The following OTUB1 variants were observed in gnomAD, a reference collection of about 807,000 sequenced individuals.
The protein encoded by OTUB1 is ubiquitin thioesterase OTUB1.
Under a neutral mutation model 35.8 loss-of-function variants are expected in OTUB1, and 10 were observed. The ratio of observed to expected loss-of-function variants is 0.28; its 90% confidence interval spans 0.17 to 0.47. The LOEUF is 0.47. Among genes scored for constraint, OTUB1 ranks in the 20% least tolerant of loss-of-function variants. The pLI, the probability that OTUB1 is intolerant of heterozygous loss-of-function variation, is 0.99. For synonymous variants in OTUB1, 158 were observed against 143.8 expected (o/e 1.10, Z -0.71); for missense variants, 264 against 351.6 (o/e 0.75, Z 1.99).
chr11:63,986,717 C>T, intron 1 of OTUB1: 1 of 543,084 alleles, frequency 1.8e-6, no homozygotes, highest in Non-Finnish European at 3.2e-6. Flanking sequence ...GGAGCACGGG[C>T]GAGGCGGGCC....
At position 63,988,640 on chromosome 11, in the gene OTUB1, C is replaced by G; in HGVS notation, c.121-14C>G. ...TCTCCCTGCTAGGACATGACAGATC[C>G]CTGCCTCCTCCAGATTGCTGTGCAG... On this transcript the variant is annotated splice_polypyrimidine_tract_variant and intron_variant, in intron 2 of 6. Coordinates refer to ENST00000538426, the MANE Select transcript of OTUB1 (RefSeq NM_017670.3). The G allele has an allele frequency of 1.3e-6, 2 of 1,593,824 alleles. No homozygotes were observed. Among genetic ancestry groups the G allele is most frequent in the Non-Finnish European group, 1.7e-6 (2 of 1,161,882 alleles).
At chr11:63,996,751 A>G in intron 4 of OTUB1, 103 bp downstream of exon 4, 4 of 1,610,078 alleles carry the variant, frequency 2.5e-6, no homozygotes, top group African/African-American at 2.7e-5. Flanking sequence ...TTCCCGGGCG[A>G]TGGGCTGGAC....
chr11:63,992,643 C>T (rs1403464938), intron 3 of OTUB1, among the ~76,000 whole-genome samples: 2 of 152,280 alleles, frequency 1.3e-5, no homozygotes, highest in East Asian at 3.9e-4. Context: ...CTCCACCTCC[C>T]GGGTTCAAGC....
intron 3 of OTUB1, among the ~76,000 whole-genome samples, chr11:63,992,135 A>C (rs1203644176): frequency 1.3e-5 from 2 of 151,754 alleles, no homozygotes; most frequent in East Asian, 3.9e-4. Context: ...AATCTCTTGA[A>C]CCTGGGAAGT....
Position 63,998,083 on chromosome 11 carries a change from T to C in OTUB1, c.*537T>C. The stretch of plus-strand genomic sequence containing the variant: ...CTGGGTGGAGGGGCCTTTGTGAGGC[T>C]GGACCCGGCTCAGGGCAGGTGGAGG... On this transcript the variant is annotated 3_prime_UTR_variant, in exon 7 of 7. Coordinates refer to ENST00000538426, the MANE Select transcript of OTUB1 (RefSeq NM_017670.3). The C allele has an allele frequency of 5.2e-6, 2 of 388,058 alleles. No homozygotes were observed. Among genetic ancestry groups the C allele is most frequent in the Non-Finnish European group, 9.5e-6 (2 of 209,732 alleles). The allele number at this position is 388,058 out of a possible 1,614,324, so 24.0% of individuals were successfully genotyped here.
intron 4 of OTUB1, 102 bp downstream of exon 4, chr11:63,996,750 G>T (rs766972925): frequency 1.2e-6 from 2 of 1,609,792 alleles, no homozygotes; most frequent in Non-Finnish European, 8.5e-7. Context: ...CTTCCCGGGC[G>T]ATGGGCTGGA....
chr11:63,998,212 G>C lies in OTUB1; in HGVS notation c.*666G>C. On this transcript the variant is annotated 3_prime_UTR_variant, in exon 7 of 7. Coordinates refer to ENST00000538426, the MANE Select transcript of OTUB1 (RefSeq NM_017670.3). ...TCCTCAGGTCTAGGCAGGGCTGCCG[G>C]TTCTCCACCTCCCCATCCGCCCCAG... 1 of 181,686 alleles carries C rather than the reference G, an allele frequency of 5.5e-6. No individual in the cohort carries two copies. Among genetic ancestry groups the C allele is most frequent in the South Asian group, 1.2e-4 (1 of 8,286 alleles). The allele number at this position is 181,686 out of a possible 1,614,324, so 11.3% of individuals were successfully genotyped here. A position where few individuals can be genotyped will look rare whatever the true frequency, so the allele number is the denominator to read the frequency against.
In OTUB1 at chr11:63,997,140, G is replaced by A; in HGVS notation, c.514G>A (p.Val172Met). 6 of 1,614,236 alleles carry A rather than the reference G, an allele frequency of 3.7e-6. No individual in the cohort carries two copies. Among genetic ancestry groups the A allele is most frequent in the Non-Finnish European group, 5.1e-6 (6 of 1,180,036 alleles). Residue 172 changes from valine (V) to methionine (M), a missense_variant, in exon 6 of 7, where the codon GTG (valine) becomes ATG (methionine). Around this residue, in one of 2 missense-constraint regions of OTUB1, gnomAD observed 214 missense variants for 317.1 expected, o/e 0.67. Transcript: ENST00000538426. Reference sequence around the variant, plus strand: ...TGACCAGAGCACCTCCGACTACCTTGTGGTCTACCTGCGGCTGCTCACCTC... The same window carrying A: ...TGACCAGAGCACCTCCGACTACCTTATGGTCTACCTGCGGCTGCTCACCTC... ...FNDQSTSDYL[V>M]VYLRLLTSGY... is the part of the protein sequence containing the mutation.
intron 3 of OTUB1, among the ~76,000 whole-genome samples, chr11:63,993,307 G>A (rs1942688910): frequency 6.6e-6 from 1 of 152,150 alleles, no homozygotes; most frequent in African/African-American, 2.4e-5. Flanking sequence ...GGTGAGGCTG[G>A]TAGATAGGAG....
chr11:63,987,258 G>A (rs1942629959), intron 1 of OTUB1, among the ~76,000 whole-genome samples: 1 of 152,222 alleles, frequency 6.6e-6, no homozygotes, highest in Non-Finnish European at 1.5e-5. Context: ...AATTTGGGAT[G>A]GCGAGCCCCA....
chr11:63,988,202 G>A (rs1942638392), intron 1 of OTUB1, 135 bp from the exon 2 acceptor site: 2 of 654,420 alleles, frequency 3.1e-6, no homozygotes, highest in Admixed American at 2.7e-5. Context: ...TTGCATCTGG[G>A]ACATCTGTAA....
At chr11:63,995,794 A>G (rs1396217952) in intron 3 of OTUB1, among the ~76,000 whole-genome samples, 1 of 151,392 alleles carries the variant, frequency 6.6e-6, no homozygotes, top group Non-Finnish European at 1.5e-5. Flanking sequence ...TGGGGGTAGG[A>G]GCAAGATGGG....
At position 63,988,655 on chromosome 11, in the gene OTUB1, T is replaced by C; in HGVS notation, c.122T>C (p.Ile41Thr). Residue 41 changes from isoleucine to threonine, a missense_variant and splice_region_variant, in exon 3 of 7, where the codon ATT (isoleucine) becomes ACT (threonine). Ile to Thr is a moderately conservative substitution (Grantham distance 89, BLOSUM62 -1). Coordinates refer to ENST00000538426, the MANE Select transcript of OTUB1 (RefSeq NM_017670.3). ...ATGACAGATCCCTGCCTCCTCCAGA[T>C]TGCTGTGCAGAACCCTCTGGTGTCA... ...MAQQDRIQQE[I>T]AVQNPLVSER... is the part of the protein sequence containing the mutation. 6.2e-7 allele frequency: 1 copy of C among 1,609,250 alleles called. No homozygotes were observed. Among genetic ancestry groups the C allele is most frequent in the Non-Finnish European group, 8.5e-7 (1 of 1,175,882 alleles).
chr11:63,998,132 C>G lies in OTUB1; in HGVS notation c.*586C>G. 2 of 304,360 alleles carry G rather than the reference C, an allele frequency of 6.6e-6. No homozygotes were observed. The highest frequency in any genetic ancestry group is 1.2e-5 in the Non-Finnish European group (2 of 160,074). 18.9% of individuals were successfully genotyped at this position (304,360 alleles called of 1,614,324 possible). A position where few individuals can be genotyped will look rare whatever the true frequency, so the allele number is the denominator to read the frequency against. ...GGAGCTGGGCCTCCCACAGGGTGCC[C>G]GGGCAGTGCCATCCTGGTGGGGGAG... On this transcript the variant is annotated 3_prime_UTR_variant, in exon 7 of 7. Coordinates refer to ENST00000538426, the MANE Select transcript of OTUB1 (RefSeq NM_017670.3).
intron 3 of OTUB1, among the ~76,000 whole-genome samples, chr11:63,992,322 C>G (rs529590043): frequency 1.3e-5 from 2 of 152,002 alleles, no homozygotes; most frequent in East Asian, 3.9e-4. Context: ...AGAAAAAGAC[C>G]GGGGAGCGAG....
chr11:63,989,349 G>A (rs1025866562), intron 3 of OTUB1: 4 of 151,454 alleles, frequency 2.6e-5, no homozygotes, highest in African/African-American at 9.7e-5. Flanking sequence ...TTCAAATCTA[G>A]ACTCTGCTAC....
At position 63,997,186 on chromosome 11, in the gene OTUB1, G is replaced by C; in HGVS notation, c.560G>C (p.Ser187Thr). ...LLTSGYLQRE[S>T]KFFEHFIEGG... The stretch of plus-strand genomic sequence containing the variant: ...ACCTCGGGCTACCTGCAGCGCGAGA[G>C]CAAGTTCTTCGAGCACTTCATCGAG... Residue 187 changes from serine to threonine, a missense_variant, in exon 6 of 7, where the codon AGC becomes ACC. Ser to Thr is a moderately conservative substitution (Grantham distance 58, BLOSUM62 1). Coordinates refer to ENST00000538426, the MANE Select transcript of OTUB1 (RefSeq NM_017670.3). 6.2e-7 allele frequency: 1 copy of C among 1,614,238 alleles called. No individual in the cohort carries two copies. Among genetic ancestry groups the C allele is most frequent in the Non-Finnish European group, 8.5e-7 (1 of 1,180,042 alleles).
At chr11:63,986,844 T>A in intron 1 of OTUB1, 1 of 299,798 alleles carries the variant, frequency 3.3e-6, no homozygotes, top group Non-Finnish European at 6.1e-6. Context: ...GCCCCTGTCC[T>A]TGCAGTCAGG....
chr11:63,995,947 C>T (rs1942712770), intron 3 of OTUB1, among the ~76,000 whole-genome samples: 2 of 151,956 alleles, frequency 1.3e-5, no homozygotes, highest in South Asian at 4.2e-4. Context: ...GTGTAGGTTG[C>T]AGTGAGCCGA....
Sources: allele counts gnomAD v4.1 joint callset (sites outside exome capture counted in the v4.1 genomes callset), GRCh38; gene constraint gnomAD v4.1.1; regional missense constraint gnomAD v4.1.1; transcripts MANE v1.5; gene names NCBI Gene and HGNC (gene_info 2026-07-23, HGNC 2026-07-21).